Variants in CYREN observed in about 807,000 individuals in gnomAD.
CYREN encodes cell cycle regulator of NHEJ.
A neutral mutation model predicts 9.7 loss-of-function variants in CYREN; 7 were observed. The ratio of observed to expected loss-of-function variants is 0.72; its 90% CI spans 0.41 to 1.36. The LOEUF is 1.36. CYREN is among the 40% of genes most tolerant of loss of function. The pLI is 0.01. For missense variants in CYREN, 215 were observed against 198.1 expected (o/e 1.09, Z -0.51); for synonymous variants, 76 against 77.9 (o/e 0.98, Z 0.13).
At chr7:135,109,035 G>A (rs1359103047) in intron 2 of CYREN, among the ~76,000 whole-genome samples, 4 of 143,758 alleles carry the variant, frequency 2.8e-5, no homozygotes, top group East Asian at 1.9e-4. Context: ...AGCTCTATAA[G>A]ATCAGTTAGG....
chr7:135,171,842 C>T (rs1830672505), upstream of CYREN, among the ~76,000 whole-genome samples: 1 of 152,242 alleles, frequency 6.6e-6, no homozygotes, highest in African/African-American at 2.4e-5. Context: ...CCAAAGAGCG[C>T]TCCCGGGTAG....
chr7:135,162,590 AG>A (rs1829972361), downstream of CYREN, among the ~76,000 whole-genome samples: 1 of 152,220 alleles, frequency 6.6e-6, no homozygotes, highest in East Asian at 1.9e-4. Context: ...GAACATGTGC[AG>A]GGGAAATGCC....
At chr7:135,095,258 A>T (rs1379826959) in intron 2 of CYREN, among the ~76,000 whole-genome samples, 2 of 152,196 alleles carry the variant, frequency 1.3e-5, no homozygotes, top group South Asian at 2.1e-4. Context: ...ACTGAGATTT[A>T]AAAATAAGTT....
intron 2 of CYREN, chr7:135,128,823 A>C: frequency 8.7e-7 from 1 of 1,147,044 alleles, no homozygotes; most frequent in Non-Finnish European, 1.3e-6. Context: ...TGGATGAGAC[A>C]GCTGTGTGCA....
intron 2 of CYREN, among the ~76,000 whole-genome samples, chr7:135,133,145 A>C (rs1829029716): frequency 1.3e-5 from 2 of 152,300 alleles, no homozygotes; most frequent in South Asian, 2.1e-4. Flanking sequence ...ATACAAGATA[A>C]ATGTACAAAA....
At chr7:135,167,486 C>T in intron 3 of CYREN, 1 of 1,379,718 alleles carries the variant, frequency 7.2e-7, no homozygotes, top group Non-Finnish European at 9.4e-7. Context: ...CTCTCCCTAA[C>T]ACACACACGC....
intron 2 of CYREN, among the ~76,000 whole-genome samples, chr7:135,107,434 A>G (rs867316852): frequency 1.3e-5 from 2 of 152,342 alleles, no homozygotes; most frequent in Middle Eastern, 3.4e-3. Flanking sequence ...CATTAATTAA[A>G]AAGAGCTTCT....
At chr7:135,107,143 A>AT (rs397720313) in intron 2 of CYREN, among the ~76,000 whole-genome samples, 67,057 of 150,260 alleles carry the variant, frequency 0.45, 15,463 homozygotes, top group East Asian at 0.77. Flanking sequence ...TATATTATTG[A>AT]TTTTTTTTTC....
chr7:135,111,089 C>A (rs77913513), intron 2 of CYREN, among the ~76,000 whole-genome samples: 7,744 of 152,280 alleles, frequency 0.051, 262 homozygotes, highest in Non-Finnish European at 0.08. Context: ...GATGACCTAA[C>A]TTCTTACTTC....
chr7:135,113,078 A>G (rs1406428714), intron 2 of CYREN, among the ~76,000 whole-genome samples: 1 of 152,222 alleles, frequency 6.6e-6, no homozygotes, highest in Non-Finnish European at 1.5e-5. Context: ...CACCCGGCCT[A>G]CATTCAGTGA....
At chr7:135,144,938 T>TAAAAAAA (rs58443282) in intron 2 of CYREN, among the ~76,000 whole-genome samples, 653 of 45,632 alleles carry the variant, frequency 0.014, 11 homozygotes, top group Non-Finnish European at 0.018. Flanking sequence ...CTCAAAAGAG[T>TAAAAAAA]AAAAAAAAAA....
intron 2 of CYREN, among the ~76,000 whole-genome samples, chr7:135,154,793 C>G (rs1829748777): frequency 6.6e-6 from 1 of 152,174 alleles, no homozygotes; most frequent in Admixed American, 6.5e-5. Context: ...GGAGAATGTT[C>G]CATGTGCTGA....
intron 2 of CYREN, among the ~76,000 whole-genome samples, chr7:135,143,695 C>T (rs1255985812): frequency 1.3e-5 from 2 of 152,102 alleles, no homozygotes; most frequent in Admixed American, 1.3e-4. Context: ...AAACAGCACC[C>T]TGAGAAGCTT....
intron 2 of CYREN, among the ~76,000 whole-genome samples, chr7:135,119,540 A>C (rs1387215265): frequency 1.3e-5 from 2 of 151,458 alleles, no homozygotes; most frequent in Non-Finnish European, 2.9e-5. Context: ...CCCAAAATTT[A>C]ACTTCTGAAA....
intron 2 of CYREN, among the ~76,000 whole-genome samples, chr7:135,123,770 A>G (rs1438566063): frequency 5.9e-5 from 9 of 152,234 alleles, no homozygotes; most frequent in Admixed American, 5.9e-4. Context: ...ATTTCAACCC[A>G]GAATTTCATA....
chr7:135,150,200 TG>T (rs1829635141), intron 2 of CYREN, among the ~76,000 whole-genome samples: 1 of 152,204 alleles, frequency 6.6e-6, no homozygotes, highest in Non-Finnish European at 1.5e-5. Context: ...TCTAGTTAGC[TG>T]ATCAATTGCT....
chr7:135,097,021 C>T (rs1202734847), intron 2 of CYREN, among the ~76,000 whole-genome samples: 3 of 152,092 alleles, frequency 2.0e-5, no homozygotes, highest in Non-Finnish European at 4.4e-5. Flanking sequence ...GTTTTTATGA[C>T]CCAAGAAGAT....
At chr7:135,120,914 A>G (rs1827046302) in intron 2 of CYREN, among the ~76,000 whole-genome samples, 1 of 152,200 alleles carries the variant, frequency 6.6e-6, no homozygotes, top group Non-Finnish European at 1.5e-5. Flanking sequence ...GTATAAAATC[A>G]CAGAACTGGC....
intron 2 of CYREN, among the ~76,000 whole-genome samples, chr7:135,117,551 T>C (rs1417765910): frequency 6.6e-6 from 1 of 152,176 alleles, no homozygotes; most frequent in Admixed American, 6.5e-5. Flanking sequence ...TCACTTACTA[T>C]AGGTAATAGC....
Sources: gnomAD v4.1 joint callset for allele counts (sites outside exome capture counted in the v4.1 genomes callset) on GRCh38, gnomAD v4.1.1 for gene constraint, MANE v1.5 for transcripts, NCBI Gene and HGNC (gene_info 2026-07-23, HGNC 2026-07-21) for gene names.